TMEM50A: variants seen among roughly 807,000 people sequenced by gnomAD.
TMEM50A encodes the protein cervical cancer oncogene 9.
A neutral mutation model predicts 23.9 loss-of-function variants in TMEM50A; 8 were observed. The ratio of observed to expected loss-of-function variants is 0.33; its 90% CI spans 0.20 to 0.60. The LOEUF is 0.60. Among genes scored for constraint, TMEM50A ranks in the 20% least tolerant of loss-of-function variants. The probability of loss-of-function intolerance (pLI) is 0.81; values close to 1 mark genes in which losing one functional copy is unlikely to be tolerated. For synonymous variants in TMEM50A, 55 were observed against 60.4 expected (o/e 0.91, Z 0.41); for missense variants, 178 against 192.7 (o/e 0.92, Z 0.45).
At chr1:25,349,034 G>A (rs1346674470) in intron 3 of TMEM50A, among the ~76,000 whole-genome samples, 5 of 152,150 alleles carry the variant, frequency 3.3e-5, no homozygotes, top group Admixed American at 6.5e-5. Context: ...TCCATGCAGC[G>A]GAGCGTGGGA....
intron 6 of TMEM50A, among the ~76,000 whole-genome samples, chr1:25,357,565 TG>T (rs1380919170): frequency 7.5e-5 from 11 of 147,586 alleles, no homozygotes; most frequent in East Asian, 6.0e-4. Flanking sequence ...GTGTGTGTTG[TG>T]TGTGTGTGTG....
At chr1:25,348,042 A>G (rs570905248) in intron 3 of TMEM50A, among the ~76,000 whole-genome samples, 1 of 152,354 alleles carries the variant, frequency 6.6e-6, no homozygotes, top group South Asian at 2.1e-4. Flanking sequence ...ATGGAGGGGA[A>G]TTATAGCTGT....
At chr1:25,354,832 T>C (rs754642578) in intron 5 of TMEM50A, among the ~76,000 whole-genome samples, 74 of 152,104 alleles carry the variant, frequency 4.9e-4, no homozygotes, top group Non-Finnish European at 8.5e-4. Flanking sequence ...AGTGCAGTGA[T>C]GCGATCTCAG....
intron 3 of TMEM50A, among the ~76,000 whole-genome samples, chr1:25,349,468 C>G (rs929284362): frequency 7.2e-5 from 11 of 152,102 alleles, no homozygotes; most frequent in Non-Finnish European, 1.3e-4. Flanking sequence ...TATATGAAAC[C>G]TGTTTTTAAT....
In TMEM50A at chr1:25,360,751, T is replaced by C; in HGVS notation, c.*46T>C. On this transcript the variant is annotated 3_prime_UTR_variant, in exon 7 of 7. Coordinates refer to ENST00000374358, the MANE Select transcript of TMEM50A (RefSeq NM_014313.4). ...CACAACAGCCCTGCATGGGTTTGTT[T>C]GTTTTTTTACTGCTCACTCCCAACC... 4 of 1,607,338 alleles carry C rather than the reference T, an allele frequency of 2.5e-6. No individual in the cohort carries two copies. Among genetic ancestry groups the C allele is most frequent in the Non-Finnish European group, 3.4e-6 (4 of 1,174,626 alleles).
chr1:25,354,642 AAAG>A lies in TMEM50A; in HGVS notation c.367+1672_367+1674del, dbSNP rs551246384. The stretch of plus-strand genomic sequence containing the variant: ...AAGAGAAAAGAAAAGAAAAAAAGAA[AAAG>A]AAGTAATAATAATTTCACCACTCTT... On this transcript the variant is annotated intron_variant, in intron 5 of 6. Coordinates refer to ENST00000374358, the MANE Select transcript of TMEM50A (RefSeq NM_014313.4). 2.5e-3 allele frequency among the ~76,000 whole-genome samples: 382 copies of A among 152,224 alleles called. 2 individuals carry two copies. The highest frequency in any genetic ancestry group is 8.7e-3 in the African/African-American group (362 of 41,560).
chr1:25,360,948 T>G lies in TMEM50A; in HGVS notation c.*243T>G, dbSNP rs1222262203. 1 of 388,092 alleles carries G rather than the reference T, an allele frequency of 2.6e-6. No individual in the cohort carries two copies. The highest frequency in any genetic ancestry group is 2.0e-5 in the African/African-American group (1 of 48,796). 24.0% of individuals were successfully genotyped at this position (388,092 alleles called of 1,614,324 possible). On this transcript the variant is annotated 3_prime_UTR_variant, in exon 7 of 7. Transcript: ENST00000374358. ...TTCACATGAATAATTTTTGTCAAAT[T>G]TTATCATGGTATAATTTGTAAAAAT...
intron 3 of TMEM50A, among the ~76,000 whole-genome samples, chr1:25,351,130 A>G (rs1645271263): frequency 6.6e-6 from 1 of 150,456 alleles, no homozygotes; most frequent in Admixed American, 6.7e-5. Context: ...GTGCCACTAC[A>G]CTATAGCCTG....
At chr1:25,347,042 C>T (rs918765084) in intron 3 of TMEM50A, among the ~76,000 whole-genome samples, 2 of 151,500 alleles carry the variant, frequency 1.3e-5, no homozygotes, top group Non-Finnish European at 3.0e-5. Flanking sequence ...AAACAAAAAA[C>T]GCATTTAGTG....
chr1:25,346,889 G>T (rs1645224195), intron 3 of TMEM50A, among the ~76,000 whole-genome samples: 1 of 152,010 alleles, frequency 6.6e-6, no homozygotes, highest in African/African-American at 2.4e-5. Context: ...GCATGGTGGT[G>T]CATGCCTGTG....
chr1:25,346,773 C>A (rs1421942312), intron 3 of TMEM50A, among the ~76,000 whole-genome samples: 1 of 152,046 alleles, frequency 6.6e-6, no homozygotes, highest in African/African-American at 2.4e-5. Flanking sequence ...AATCCCAGCA[C>A]TTTGGGAGGC....
At chr1:25,353,205 T>TTC (rs1332827397) in intron 5 of TMEM50A, among the ~76,000 whole-genome samples, 2 of 152,244 alleles carry the variant, frequency 1.3e-5, no homozygotes, top group African/African-American at 2.4e-5. Flanking sequence ...CTGGAAGGGA[T>TTC]GAGACAGCTC....
intron 3 of TMEM50A, among the ~76,000 whole-genome samples, chr1:25,348,048 G>A (rs956650810): frequency 6.6e-6 from 1 of 152,206 alleles, no homozygotes; most frequent in Non-Finnish European, 1.5e-5. Context: ...GGGAATTATA[G>A]CTGTATATGA....
At chr1:25,347,810 T>C (rs1039910951) in intron 3 of TMEM50A, among the ~76,000 whole-genome samples, 3 of 152,220 alleles carry the variant, frequency 2.0e-5, no homozygotes, top group African/African-American at 7.2e-5. Context: ...TTCTTTGAAG[T>C]TCAGCCAGTA....
intron 2 of TMEM50A, among the ~76,000 whole-genome samples, chr1:25,341,368 C>T (rs1352486933): frequency 1.3e-5 from 2 of 152,124 alleles, no homozygotes; most frequent in Admixed American, 1.3e-4. Context: ...ACGCCATTCT[C>T]CTGCTTCAGC....
Position 25,349,971 on chromosome 1 carries a change from G to T in TMEM50A, c.207-1655G>T, listed in dbSNP as rs918062881. Among the ~76,000 whole-genome samples the T allele has an allele frequency of 5.3e-5, 8 of 152,258 alleles. No homozygotes were observed. The East Asian group carries it at 1.5e-3, about 29-fold the overall frequency. The stretch of plus-strand genomic sequence containing the variant: ...TGTGAACGTTTTCCCATGACATTTG[G>T]AATGTTTCAAAGGATACTTCTAAAG... On this transcript the variant is annotated intron_variant, in intron 3 of 6. Transcript: ENST00000374358.
Position 25,361,070 on chromosome 1 carries a change from G to A in TMEM50A, c.*365G>A, listed in dbSNP as rs1645396683. The A allele has an allele frequency of 5.3e-6, 1 of 188,632 alleles. No individual in the cohort carries two copies. The highest frequency in any genetic ancestry group is 1.2e-4 in the South Asian group (1 of 8,064). The allele number at this position is 188,632 out of a possible 1,614,324, so 11.7% of individuals were successfully genotyped here. A position where few individuals can be genotyped will look rare whatever the true frequency, so the allele number is the denominator to read the frequency against. On this transcript the variant is annotated 3_prime_UTR_variant, in exon 7 of 7. Transcript: ENST00000374358. ...AATGAAAGTGCTCTGAAGATTTAAT[G>A]TGTTTATTCAAATGTGGTCTCTTCT...
At chr1:25,357,230 ATTC>A (rs1645341976) in intron 6 of TMEM50A, among the ~76,000 whole-genome samples, 1 of 152,202 alleles carries the variant, frequency 6.6e-6, no homozygotes, top group African/African-American at 2.4e-5. Flanking sequence ...ATATTTTATA[ATTC>A]TTCTGTCCTT....
chr1:25,349,899 G>GTA, intron 3 of TMEM50A, among the ~76,000 whole-genome samples: 1 of 152,204 alleles, frequency 6.6e-6, no homozygotes, highest in Non-Finnish European at 1.5e-5. Context: ...AACTAAATGG[G>GTA]TATATATATC....
Sources: allele counts gnomAD v4.1 joint callset (sites outside exome capture counted in the v4.1 genomes callset), GRCh38; gene constraint gnomAD v4.1.1; transcripts MANE v1.5; gene names NCBI Gene and HGNC (gene_info 2026-07-23, HGNC 2026-07-21).